NCAPD2: variants seen among roughly 807,000 people sequenced by gnomAD.
NCAPD2 encodes condensin complex subunit 1.
In NCAPD2, 100 loss-of-function variants were observed where a neutral mutation model predicts 164.5. The observed-to-expected ratio is 0.61, with a 90% CI of 0.52 to 0.72. The LOEUF (loss-of-function observed/expected upper bound fraction) is 0.72, where lower values mean the gene tolerates loss of function less well. NCAPD2 is among the 30% of genes least tolerant of loss of function. The pLI is 0.00. For synonymous variants in NCAPD2, 585 were observed against 642.6 expected (o/e 0.91, Z 1.36); for missense variants, 1,560 against 1,749.2 (o/e 0.89, Z 1.93).
In NCAPD2 at chr12:6,509,691, T is replaced by C. The variant is rs920452861; in HGVS notation, c.128-26T>C. 9 of 1,608,820 alleles carry C rather than the reference T, an allele frequency of 5.6e-6. No homozygotes were observed. In the Admixed American group the frequency reaches 6.7e-5, roughly 12 times the overall value. ...TGAAAAGGTTTCTCTTCCCTCCAAATTGATTTGTTTTTTCCATCTTCATAG... is the reference window on the plus strand; with the variant it reads ...TGAAAAGGTTTCTCTTCCCTCCAAACTGATTTGTTTTTTCCATCTTCATAG... On this transcript the variant is annotated intron_variant, in intron 2 of 31. Coordinates refer to ENST00000315579, the MANE Select transcript of NCAPD2 (RefSeq NM_014865.4).
At position 6,531,270 on chromosome 12, in the gene NCAPD2, A is replaced by AT. The variant is rs1565548846; in HGVS notation, c.4121-51dup. ...TTGTCTCACTTGTTCTCTGATATCT[A>AT]TTTTTTCACCATCTTTGTGACTCAG... is the stretch of plus-strand genomic sequence containing the variant. On this transcript the variant is annotated intron_variant, in intron 31 of 31. Transcript: ENST00000315579. This position sits in a 1 kb window ranked among gnomAD's most constrained non-coding sequence, Gnocchi z 4.1. 1.3e-6 allele frequency: 2 copies of AT among 1,561,166 alleles called. No individual in the cohort carries two copies. The highest frequency in any genetic ancestry group is 1.8e-6 in the Non-Finnish European group (2 of 1,138,002).
chr12:6,504,216 T>G (rs960971227), intron 2 of NCAPD2, among the ~76,000 whole-genome samples: 1 of 23,224 alleles, frequency 4.3e-5, no homozygotes, highest in Non-Finnish European at 7.8e-5. Flanking sequence ...TATATATATA[T>G]AGATATAGAT....
At chr12:6,500,852 A>G (rs147489938) in intron 2 of NCAPD2, among the ~76,000 whole-genome samples, 4 of 152,290 alleles carry the variant, frequency 2.6e-5, no homozygotes, top group Admixed American at 6.5e-5. Flanking sequence ...AGCAGAGACT[A>G]TAAGAGGCAA....
At chr12:6,502,882 ACT>A (rs1449799547) in intron 2 of NCAPD2, among the ~76,000 whole-genome samples, 1 of 151,084 alleles carries the variant, frequency 6.6e-6, no homozygotes, top group Non-Finnish European at 1.5e-5. Context: ...ACGGAGTCTC[ACT>A]CTGTCACCCA....
intron 2 of NCAPD2, among the ~76,000 whole-genome samples, chr12:6,501,532 A>G (rs1179398484): frequency 1.3e-5 from 2 of 152,178 alleles, no homozygotes; most frequent in Non-Finnish European, 2.9e-5. Context: ...TGAAGTTGCC[A>G]TTTACTGAGA....
chr12:6,518,176 A>G (rs1198051909), intron 13 of NCAPD2: 3 of 444,026 alleles, frequency 6.8e-6, no homozygotes, highest in Non-Finnish European at 8.0e-6. Flanking sequence ...TACTGAAACA[A>G]TTAAATGTTA....
At chr12:6,514,611 C>A in intron 8 of NCAPD2, 24 bp downstream of exon 8, 1 of 1,613,794 alleles carries the variant, frequency 6.2e-7, no homozygotes, top group Non-Finnish European at 8.5e-7. Context: ...CTCGAAGTTT[C>A]TCATGCTTAT....
Position 6,510,632 on chromosome 12 carries a change from T to C in NCAPD2, c.266T>C (p.Val89Ala). ...TCCAAGATTCTGCCCCTCACAGTGG[T>C]ATCCCGCCACTCCCAGGAGCTTCCA... ...EDTLQFLIKV[V>A]SRHSQELPAI... The change falls in exon 5 of 32, where the codon GTA becomes GCA. Residue 89 changes from valine (V) to alanine (A), a missense_variant. Physicochemically the swap from Val to Ala is moderately conservative, Grantham distance 64 (BLOSUM62 0). Transcript: ENST00000315579. The C allele has an allele frequency of 6.2e-7, 1 of 1,614,120 alleles. No individual in the cohort carries two copies. Among genetic ancestry groups the C allele is most frequent in the Non-Finnish European group, 8.5e-7 (1 of 1,180,002 alleles).
chr12:6,514,185 G>A (rs1487214278), intron 6 of NCAPD2, 80 bp from the exon 7 acceptor site: 1 of 1,576,666 alleles, frequency 6.3e-7, no homozygotes, highest in Non-Finnish European at 8.7e-7. Context: ...GAGCAGTAGG[G>A]ATAGAATGAA....
chr12:6,499,236 G>A (rs1025679335), intron 2 of NCAPD2, among the ~76,000 whole-genome samples: 3 of 151,904 alleles, frequency 2.0e-5, no homozygotes, highest in Non-Finnish European at 2.9e-5. Flanking sequence ...TTTAAGATAA[G>A]GGTCTTGCTT....
chr12:6,498,233 A>G (rs192225069), intron 2 of NCAPD2, among the ~76,000 whole-genome samples: 11 of 152,226 alleles, frequency 7.2e-5, no homozygotes, highest in South Asian at 2.1e-4. Context: ...AAACAATTGC[A>G]TTGCTTTGAT....
intron 17 of NCAPD2, among the ~76,000 whole-genome samples, chr12:6,523,852 TAGATAATAA>T (rs1373185179): frequency 5.3e-5 from 8 of 152,314 alleles, no homozygotes; most frequent in Middle Eastern, 3.4e-3. Context: ...ATGCAGCAGG[TAGATAATAA>T]AGTGCCAGAA....
At chr12:6,524,985 G>A (rs1186190327) in intron 17 of NCAPD2, among the ~76,000 whole-genome samples, 1 of 152,196 alleles carries the variant, frequency 6.6e-6, no homozygotes, top group African/African-American at 2.4e-5. Context: ...GCAAACTGGG[G>A]TGCAACAGAA....
chr12:6,510,050 C>A (rs1389384824), intron 3 of NCAPD2, 25 bp from the exon 4 acceptor site: 1 of 1,609,540 alleles, frequency 6.2e-7, no homozygotes, highest in Non-Finnish European at 8.5e-7. Context: ...TCCTGTCTCA[C>A]CCCCACACTT....
At chr12:6,500,635 G>C (rs951388652) in intron 2 of NCAPD2, among the ~76,000 whole-genome samples, 2 of 152,188 alleles carry the variant, frequency 1.3e-5, no homozygotes, top group Non-Finnish European at 2.9e-5. Flanking sequence ...GGATGTCAAA[G>C]CTGCTGAATC....
Position 6,528,129 on chromosome 12 carries a change from T to G in NCAPD2, c.3143+38T>G. On this transcript the variant is annotated intron_variant, in intron 24 of 31. Coordinates refer to ENST00000315579, the MANE Select transcript of NCAPD2 (RefSeq NM_014865.4). The surrounding 1 kb of genome is among the most constrained non-coding windows in gnomAD (Gnocchi z 5.1). ...GTTGGTACCCCCTTCTCAAGGAAGA[T>G]GGGGATGAAATGGCTTCCCTAATGA... The G allele has an allele frequency of 6.2e-7, 1 of 1,614,202 alleles. No homozygotes were observed. Among genetic ancestry groups the G allele is most frequent in the Middle Eastern group, 1.6e-4 (1 of 6,062 alleles).
chr12:6,517,067 A>G (rs1946209045), intron 10 of NCAPD2, 42 bp downstream of exon 10: 3 of 1,593,954 alleles, frequency 1.9e-6, no homozygotes, highest in Non-Finnish European at 2.6e-6. Context: ...GTACCTCTCC[A>G]TATACCAGTG....
At chr12:6,499,369 G>A (rs1261067203) in intron 2 of NCAPD2, among the ~76,000 whole-genome samples, 6 of 151,768 alleles carry the variant, frequency 4.0e-5, no homozygotes, top group African/African-American at 1.4e-4. Context: ...GTGCCACCAC[G>A]CCTGGCTAAT....
At chr12:6,510,551 T>C in intron 4 of NCAPD2, 78 bp from the exon 5 acceptor site, 3 of 1,484,522 alleles carry the variant, frequency 2.0e-6, no homozygotes, top group Non-Finnish European at 2.8e-6. Flanking sequence ...ATCTGATGGC[T>C]GCAAGTGCTG....
Sources: allele counts gnomAD v4.1 joint callset (sites outside exome capture counted in the v4.1 genomes callset), GRCh38; gene constraint gnomAD v4.1.1; non-coding constraint Gnocchi (gnomAD v3.1); transcripts MANE v1.5; gene names NCBI Gene and HGNC (gene_info 2026-07-23, HGNC 2026-07-21).